Variants in RAB22A observed in about 807,000 individuals in gnomAD.
RAB22A encodes the protein RAB22A, member RAS oncogene family.
RAB22A carries 13 observed loss-of-function variants against 30.2 expected under a neutral mutation model. The observed-to-expected ratio is 0.43, with a 90% confidence interval of 0.28 to 0.68. The LOEUF is 0.68. Among genes scored for constraint, RAB22A ranks in the 30% least tolerant of loss-of-function variants. The pLI is 0.18. For synonymous variants in RAB22A, 89 were observed against 87.2 expected, an observed-to-expected ratio of 1.02 and a Z score of -0.11; for missense variants, 177 against 246.8, an observed-to-expected ratio of 0.72 and a Z score of 1.89.
chr20:58,313,638 C>T (rs1463165009), intron 2 of RAB22A, among the ~76,000 whole-genome samples: 1 of 152,182 alleles, frequency 6.6e-6, no homozygotes, highest in Non-Finnish European at 1.5e-5. Flanking sequence ...AACCACCTTC[C>T]CCTGGTACCA....
rs1270506938 is a variant in RAB22A, at chr20:58,354,263, T to C, written c.485T>C (p.Ile162Thr). The C allele has an allele frequency of 6.2e-7, 1 of 1,600,494 alleles. No individual in the cohort carries two copies. ...AININELFIE[I>T]SRRIPSTDAN... ...AACATAAATGAACTCTTTATAGAAA[T>C]TAGTGAGTATCTCTGTGCCTTATCC... The change falls in exon 6 of 7, where the codon ATT (isoleucine) becomes ACT (threonine). Residue 162 changes from isoleucine to threonine, a missense_variant and splice_region_variant. By Grantham distance (89) the Ile-to-Thr change is moderately conservative (BLOSUM62 -1). Transcript: ENST00000244040.
At chr20:58,342,519 A>T (rs1484813785) in intron 2 of RAB22A, among the ~76,000 whole-genome samples, 1 of 152,144 alleles carries the variant, frequency 6.6e-6, no homozygotes, top group African/African-American at 2.4e-5. Context: ...TTTCTTGAAG[A>T]TTATCACTTG....
intron 2 of RAB22A, among the ~76,000 whole-genome samples, chr20:58,325,817 G>A (rs1986561108): frequency 6.6e-6 from 1 of 152,144 alleles, no homozygotes; most frequent in Non-Finnish European, 1.5e-5. Flanking sequence ...ATTCTCTACA[G>A]CTGTTAGTGC....
intron 5 of RAB22A, 111 bp downstream of exon 5, chr20:58,353,649 C>T (rs1347668738): frequency 1.0e-6 from 1 of 1,003,968 alleles, no homozygotes; most frequent in Non-Finnish European, 1.5e-6. Context: ...TTGAAAAATT[C>T]CTTTTGGTTG....
intron 2 of RAB22A, among the ~76,000 whole-genome samples, chr20:58,318,976 G>A (rs1986399213): frequency 6.6e-6 from 1 of 152,160 alleles, no homozygotes. Flanking sequence ...GCTTAGAATG[G>A]TGTATGTCGT....
chr20:58,339,394 G>C (rs1986818003), intron 2 of RAB22A, among the ~76,000 whole-genome samples: 1 of 152,182 alleles, frequency 6.6e-6, no homozygotes, highest in South Asian at 2.1e-4. Context: ...GCCATTGCCA[G>C]TTTTTCAAAA....
At chr20:58,318,713 TC>T in intron 2 of RAB22A, among the ~76,000 whole-genome samples, 1 of 152,188 alleles carries the variant, frequency 6.6e-6, no homozygotes, top group African/African-American at 2.4e-5. Flanking sequence ...TTTGCCATCC[TC>T]CTCCTCCCAC....
chr20:58,343,390 C>A (rs1323044530), intron 2 of RAB22A, among the ~76,000 whole-genome samples: 2 of 151,932 alleles, frequency 1.3e-5, no homozygotes, highest in Non-Finnish European at 1.5e-5. Flanking sequence ...GGAATATTTT[C>A]CCATGATAAC....
intron 2 of RAB22A, among the ~76,000 whole-genome samples, chr20:58,317,262 A>C (rs2122925858): frequency 6.6e-6 from 1 of 151,878 alleles, no homozygotes; most frequent in African/African-American, 2.4e-5. Context: ...ACGTCCAGCT[A>C]ATTTTTGTAT....
intron 1 of RAB22A, 140 bp downstream of exon 1, chr20:58,310,152 T>A: frequency 1.2e-6 from 1 of 849,298 alleles, no homozygotes; most frequent in Non-Finnish European, 1.5e-6. Flanking sequence ...TCCCTCCAGC[T>A]CGGGAGCCGT....
intron 2 of RAB22A, among the ~76,000 whole-genome samples, chr20:58,330,716 G>A (rs893973994): frequency 1.3e-5 from 2 of 152,140 alleles, no homozygotes; most frequent in Non-Finnish European, 2.9e-5. Flanking sequence ...CTTTGCTTCT[G>A]AGATATGGCC....
intron 2 of RAB22A, among the ~76,000 whole-genome samples, chr20:58,338,050 G>A (rs944678501): frequency 2.1e-4 from 31 of 150,744 alleles, no homozygotes; most frequent in South Asian, 4.2e-4. Flanking sequence ...TTTTTGAGAC[G>A]GATCTCGCTC....
At chr20:58,325,253 C>T (rs1174256235) in intron 2 of RAB22A, among the ~76,000 whole-genome samples, 2 of 149,298 alleles carry the variant, frequency 1.3e-5, no homozygotes, top group Non-Finnish European at 3.0e-5. Context: ...CCCAGGTGGG[C>T]GGATCACAAG....
intron 2 of RAB22A, among the ~76,000 whole-genome samples, chr20:58,318,523 T>C (rs1986388385): frequency 6.6e-6 from 1 of 152,180 alleles, no homozygotes; most frequent in East Asian, 1.9e-4. Context: ...ATATTCCAAA[T>C]TCTGAAAAAT....
chr20:58,324,299 AT>A (rs1986515467), intron 2 of RAB22A, among the ~76,000 whole-genome samples: 1 of 109,052 alleles, frequency 9.2e-6, no homozygotes, highest in African/African-American at 4.9e-5. Flanking sequence ...GTTTTAATAC[AT>A]TGGGGTTTTT....
intron 3 of RAB22A, among the ~76,000 whole-genome samples, chr20:58,352,713 T>C (rs1012525124): frequency 1.3e-5 from 2 of 152,222 alleles, no homozygotes; most frequent in African/African-American, 4.8e-5. Flanking sequence ...GTTAAATTGA[T>C]GTAAATGAAA....
intron 6 of RAB22A, among the ~76,000 whole-genome samples, chr20:58,356,804 G>T (rs1269618236): frequency 1.3e-5 from 2 of 152,104 alleles, no homozygotes; most frequent in African/African-American, 2.4e-5. Flanking sequence ...ATTGCATCTA[G>T]CTGTGAATGA....
chr20:58,315,948 C>T (rs994844042), intron 2 of RAB22A, among the ~76,000 whole-genome samples: 5 of 152,230 alleles, frequency 3.3e-5, no homozygotes, highest in Admixed American at 1.3e-4. Context: ...TTCCCTAGCC[C>T]GGGCCCAGCC....
intron 2 of RAB22A, among the ~76,000 whole-genome samples, chr20:58,327,298 C>G (rs1433827547): frequency 6.6e-6 from 1 of 152,210 alleles, no homozygotes; most frequent in East Asian, 1.9e-4. Context: ...CATTTGTTAT[C>G]TCACATTTTC....
Sources: gnomAD v4.1 joint callset for allele counts (sites outside exome capture counted in the v4.1 genomes callset) on GRCh38, gnomAD v4.1.1 for gene constraint, MANE v1.5 for transcripts, NCBI Gene and HGNC (gene_info 2026-07-23, HGNC 2026-07-21) for gene names.